The following AUH variants were observed in gnomAD, a reference collection of about 807,000 sequenced individuals.
AUH encodes AU RNA binding methylglutaconyl-CoA hydratase.
In AUH, 29 loss-of-function variants were observed where a neutral mutation model predicts 42.3. The ratio of observed to expected loss-of-function variants is 0.69; its 90% CI spans 0.51 to 0.93. The LOEUF (loss-of-function observed/expected upper bound fraction) is 0.93. AUH is among the 40% of genes least tolerant of loss of function. The probability of loss-of-function intolerance (pLI) is 0.00; values close to 1 mark genes in which losing one functional copy is unlikely to be tolerated. For synonymous variants in AUH, 174 were observed against 166.4 expected (o/e 1.05, Z -0.35); for missense variants, 452 against 438.1 (o/e 1.03, Z -0.28).
At position 91,355,276 on chromosome 9, in the gene AUH, G is replaced by GC. The variant is rs759090984; in HGVS notation, c.418+606dup. On this transcript the variant is annotated intron_variant, in intron 3 of 9. Coordinates refer to ENST00000375731, the MANE Select transcript of AUH (RefSeq NM_001698.3). ...AGAATCCTTAAGAATGAAACTAGGGGCCAGGCACAGTGGCTCACCCCTGTA... is the reference window on the plus strand; with the variant it reads ...AGAATCCTTAAGAATGAAACTAGGGGCCCAGGCACAGTGGCTCACCCCTGTA... 6.6e-5 allele frequency among the ~76,000 whole-genome samples: 10 copies of GC among 152,306 alleles called. No homozygotes were observed. The South Asian group carries it at 1.4e-3, about 22-fold the overall frequency.
chr9:91,237,894 A>ATTTC (rs2131324253), intron 6 of AUH, among the ~76,000 whole-genome samples: 1 of 152,264 alleles, frequency 6.6e-6, no homozygotes, highest in South Asian at 2.1e-4. Flanking sequence ...AATAGCAATG[A>ATTTC]TTTCATATGG....
chr9:91,302,484 G>A (rs904291194), intron 4 of AUH, among the ~76,000 whole-genome samples: 4 of 152,208 alleles, frequency 2.6e-5, no homozygotes, highest in African/African-American at 9.7e-5. Flanking sequence ...AGCTACTCAA[G>A]AGGCTGAGGC....
At chr9:91,264,119 C>T (rs977227936) in intron 6 of AUH, among the ~76,000 whole-genome samples, 1 of 152,036 alleles carries the variant, frequency 6.6e-6, no homozygotes, top group African/African-American at 2.4e-5. Flanking sequence ...ATTATATATA[C>T]ACACACATAT....
chr9:91,278,569 G>A (rs569600277), intron 6 of AUH, among the ~76,000 whole-genome samples: 6 of 152,194 alleles, frequency 3.9e-5, no homozygotes, highest in African/African-American at 9.6e-5. Context: ...GTAGTTTGGC[G>A]CGATTTCAAC....
At chr9:91,230,347 G>A (rs573149403) in intron 6 of AUH, among the ~76,000 whole-genome samples, 14 of 152,024 alleles carry the variant, frequency 9.2e-5, no homozygotes, top group Non-Finnish European at 1.5e-4. Context: ...TGATCGCAGC[G>A]GCTCCTGAGG....
chr9:91,303,305 T>C (rs997672556), intron 4 of AUH, among the ~76,000 whole-genome samples: 1 of 152,164 alleles, frequency 6.6e-6, no homozygotes, highest in African/African-American at 2.4e-5. Flanking sequence ...AATTTGATTA[T>C]TAAAGGAAAA....
intron 6 of AUH, among the ~76,000 whole-genome samples, chr9:91,258,437 GT>G (rs761432964): frequency 6.6e-6 from 1 of 152,172 alleles, no homozygotes; most frequent in Non-Finnish European, 1.5e-5. Context: ...GTTTCACCAT[GT>G]TGGTCAGGCT....
At chr9:91,241,369 CTAGT>C (rs969701649) in intron 6 of AUH, among the ~76,000 whole-genome samples, 1 of 152,010 alleles carries the variant, frequency 6.6e-6, no homozygotes, top group African/African-American at 2.4e-5. Context: ...ATTCTAATCC[CTAGT>C]TATTTATATA....
chr9:91,343,631 G>A (rs1831267913), intron 3 of AUH, among the ~76,000 whole-genome samples: 2 of 152,120 alleles, frequency 1.3e-5, no homozygotes, highest in South Asian at 4.1e-4. Flanking sequence ...AGGTGTGGTG[G>A]TGCATGCCTG....
rs12340714 is a variant in AUH at position 91,292,392 on chromosome 9, C to T, written c.655+3629G>A. The stretch of plus-strand genomic sequence containing the variant: ...CATCTGGGTTCAAGCAATTCTCCTG[C>T]CTCAGCCTCCCAGGTAGCTGTGATT... On this transcript the variant is annotated intron_variant, in intron 6 of 9. Transcript: ENST00000375731. Among the ~76,000 whole-genome samples, 912 of 151,742 alleles carry T rather than the reference C, an allele frequency of 6.0e-3. 9 individuals carry two copies. The highest frequency in any genetic ancestry group is 0.021 in the African/African-American group (871 of 41,314).
At chr9:91,301,597 C>G (rs965178084) in intron 4 of AUH, among the ~76,000 whole-genome samples, 24 of 151,938 alleles carry the variant, frequency 1.6e-4, no homozygotes, top group African/African-American at 5.6e-4. Context: ...AATTGTGTGC[C>G]CTTGAGAAGC....
In AUH at chr9:91,316,070, T is replaced by A. The variant is rs551058240; in HGVS notation, c.505+9248A>T. ...CAATTGTATAAATATACCAAAATAT[T>A]TTTCCATTCTCCTGTCATAGAAATT... On this transcript the variant is annotated intron_variant, in intron 4 of 9. Transcript: ENST00000375731. Among the ~76,000 whole-genome samples the A allele has an allele frequency of 1.6e-4, 24 of 152,326 alleles. No individual in the cohort carries two copies. The Middle Eastern group carries it at 0.014, about 87-fold the overall frequency.
At chr9:91,277,725 C>A (rs934600650) in intron 6 of AUH, among the ~76,000 whole-genome samples, 5 of 152,154 alleles carry the variant, frequency 3.3e-5, no homozygotes, top group Non-Finnish European at 7.4e-5. Flanking sequence ...CATGAGACAA[C>A]TACTTTTAAG....
At chr9:91,302,946 A>C (rs1030859395) in intron 4 of AUH, among the ~76,000 whole-genome samples, 11 of 152,212 alleles carry the variant, frequency 7.2e-5, no homozygotes, top group African/African-American at 2.4e-4. Context: ...TCCCAACAGC[A>C]AGAGGAAGAA....
chr9:91,267,672 C>T (rs1176134634), intron 6 of AUH, among the ~76,000 whole-genome samples: 1 of 152,090 alleles, frequency 6.6e-6, no homozygotes, highest in Non-Finnish European at 1.5e-5. Context: ...TGAAATGCTG[C>T]ATCCTTGCTG....
intron 6 of AUH, among the ~76,000 whole-genome samples, chr9:91,225,231 A>G (rs1336701921): frequency 6.6e-6 from 1 of 152,250 alleles, no homozygotes; most frequent in Admixed American, 6.5e-5. Flanking sequence ...AGCTCACTGT[A>G]GCATCCACCT....
At chr9:91,327,714 C>T (rs1008935788) in intron 3 of AUH, among the ~76,000 whole-genome samples, 6 of 152,194 alleles carry the variant, frequency 3.9e-5, no homozygotes, top group Non-Finnish European at 8.8e-5. Flanking sequence ...CTGCGTGCAA[C>T]GGGAATAAAA....
chr9:91,256,295 T>C lies in AUH; in HGVS notation c.656-35303A>G, dbSNP rs543768680. ...TATTCTGAAATATGACATCTTGTAA[T>C]GAGACAGGAAGTGGGACTGACCTGC... On this transcript the variant is annotated intron_variant, in intron 6 of 9. Coordinates refer to ENST00000375731, the MANE Select transcript of AUH (RefSeq NM_001698.3). 9.2e-5 allele frequency among the ~76,000 whole-genome samples: 14 copies of C among 152,260 alleles called. No homozygotes were observed. In the East Asian group the frequency reaches 1.9e-3, roughly 21 times the overall value.
intron 6 of AUH, among the ~76,000 whole-genome samples, chr9:91,242,584 G>A (rs1828581327): frequency 6.6e-6 from 1 of 152,192 alleles, no homozygotes; most frequent in Non-Finnish European, 1.5e-5. Context: ...ACCACAGTCA[G>A]AAGTGAAGGA....
Sources: gnomAD v4.1 joint callset for allele counts (sites outside exome capture counted in the v4.1 genomes callset) on GRCh38, gnomAD v4.1.1 for gene constraint, MANE v1.5 for transcripts, NCBI Gene and HGNC (gene_info 2026-07-23, HGNC 2026-07-21) for gene names.